Variants in PHYKPL observed in about 807,000 individuals in gnomAD.
The protein encoded by PHYKPL is 5-phosphonooxy-L-lysine phospho-lyase.
PHYKPL carries 42 observed loss-of-function variants against 51.3 expected under a neutral mutation model. That is an observed-to-expected ratio of 0.82 (90% CI 0.64 to 1.06). The LOEUF (loss-of-function observed/expected upper bound fraction) is 1.06. PHYKPL is among the 50% of genes least tolerant of loss of function. PHYKPL has a pLI of 0.00. For synonymous variants in PHYKPL, 264 were observed against 236.0 expected (o/e 1.12, Z -1.09); for missense variants, 655 against 586.6 (o/e 1.12, Z -1.20).
At chr5:178,209,501 TC>T in intron 12 of PHYKPL, 1 of 1,475,966 alleles carries the variant, frequency 6.8e-7, no homozygotes, top group Non-Finnish European at 9.5e-7. Flanking sequence ...CATGGAGCCT[TC>T]CAAGCCTGTC....
chr5:178,225,727 A>G (rs1333632094), intron 3 of PHYKPL: 3 of 414,166 alleles, frequency 7.2e-6, no homozygotes, highest in Non-Finnish European at 1.4e-5. Flanking sequence ...TCACACTACA[A>G]CAATCAACAC....
At chr5:178,226,080 T>TTTC (rs951269744) in intron 3 of PHYKPL, 14 of 125,434 alleles carry the variant, frequency 1.1e-4, no homozygotes, top group Admixed American at 1.6e-4. Context: ...TGGAATTTCT[T>TTTC]TTTTTTTTTT....
At position 178,222,380 on chromosome 5, in the gene PHYKPL, G is replaced by A; in HGVS notation, c.902C>T (p.Ala301Val). The change falls in exon 8 of 13, where the codon GCC (alanine) becomes GTC (valine). Residue 301 changes from alanine (A) to valine (V), a missense_variant. Coordinates refer to ENST00000308158, the MANE Select transcript of PHYKPL (RefSeq NM_153373.4). The part of the protein sequence containing the change: ...ATQPVARAFE[A>V]TGVEYFNTFG... ...CGTGTTGAAGTACTCAACGCCGGTG[G>A]CTTCAAATGCCCTCGCCACAGGCTG... 6.2e-7 allele frequency: 1 copy of A among 1,613,546 alleles called. No homozygotes were observed. Among genetic ancestry groups the A allele is most frequent in the South Asian group, 1.1e-5 (1 of 91,062 alleles).
In PHYKPL at chr5:178,224,494, T is replaced by C. The variant is rs1007506794; in HGVS notation, c.572A>G (p.Asn191Ser). The C allele has an allele frequency of 2.5e-6, 4 of 1,611,450 alleles. No homozygotes were observed. Among genetic ancestry groups the C allele is most frequent in the African/African-American group, 1.3e-5 (1 of 74,912 alleles). The change falls in exon 6 of 13, where the codon AAC becomes AGC. Residue 191 changes from asparagine (N) to serine (S), a missense_variant. Transcript: ENST00000308158. ...ACTGCTGACCACACGTTTCACCTCG[T>C]TGGCATAGGCCATAGCTGGGTTGGG... ...DHPNPAMAYA[N>S]EVKRVVSSAQ... is the part of the protein sequence containing the mutation.
chr5:178,209,443 T>TGGA (rs1561668406), intron 12 of PHYKPL: 1 of 1,612,814 alleles, frequency 6.2e-7, no homozygotes, highest in Admixed American at 1.7e-5. Flanking sequence ...GTGGTGGAGG[T>TGGA]GGAGGTGAGT....
intron 8 of PHYKPL, among the ~76,000 whole-genome samples, chr5:178,221,438 G>A (rs1251607930): frequency 1.3e-5 from 2 of 152,014 alleles, no homozygotes; most frequent in African/African-American, 4.8e-5. Context: ...CATCCTCCAC[G>A]CTGTCATGAC....
At position 178,224,317 on chromosome 5, in the gene PHYKPL, CT is replaced by C. The variant is rs1034020204; in HGVS notation, c.618+130del. The C allele has an allele frequency of 1.8e-5, 19 of 1,030,188 alleles. No individual in the cohort carries two copies. In the African/African-American group the frequency reaches 2.0e-4, roughly 11 times the overall value. The allele number at this position is 1,030,188 out of a possible 1,614,324, so 63.8% of individuals were successfully genotyped here. A position where few individuals can be genotyped will look rare whatever the true frequency, so the allele number is the denominator to read the frequency against. ...ACTCTCTGCTGAGCCCAAACTGCCC[CT>C]ATCCCAGATTCCTGGAGGGCAGGGC... On this transcript the variant is annotated intron_variant, in intron 6 of 12. Transcript: ENST00000308158.
At chr5:178,224,282 G>A (rs1036229626) in intron 6 of PHYKPL, 166 bp downstream of exon 6, 16 of 740,220 alleles carry the variant, frequency 2.2e-5, no homozygotes, top group East Asian at 5.6e-5. Context: ...ATGCTAGGCC[G>A]TGCACTCAGA....
intron 8 of PHYKPL, among the ~76,000 whole-genome samples, chr5:178,217,767 A>G (rs1475325125): frequency 1.3e-5 from 2 of 151,110 alleles, no homozygotes; most frequent in Non-Finnish European, 2.9e-5. Flanking sequence ...CTGAGGCAGG[A>G]GAATGGCGTG....
At chr5:178,230,750 T>C (rs1368655932) in intron 2 of PHYKPL, 1 of 153,958 alleles carries the variant, frequency 6.5e-6, no homozygotes, top group East Asian at 1.9e-4. Flanking sequence ...GCAAGCTACA[T>C]AAATTAACAC....
At chr5:178,212,886 C>A in intron 11 of PHYKPL, 87 bp downstream of exon 11, 1 of 1,549,604 alleles carries the variant, frequency 6.5e-7, no homozygotes, top group South Asian at 1.2e-5. Flanking sequence ...GGACTCTTGT[C>A]CCCTCCCTGT....
intron 12 of PHYKPL, 134 bp downstream of exon 12, chr5:178,211,756 C>T: frequency 1.6e-6 from 1 of 632,474 alleles, no homozygotes; most frequent in Admixed American, 2.8e-5. Context: ...GTTGAAGAAA[C>T]TAACCTTTGG....
intron 3 of PHYKPL, chr5:178,228,591 T>C (rs1385807771): frequency 2.8e-6 from 2 of 702,600 alleles, no homozygotes; most frequent in South Asian, 3.0e-5. Flanking sequence ...TTACCCCACC[T>C]GTAAAATGAA....
chr5:178,209,400 A>G (rs752893394), intron 12 of PHYKPL: 23 of 1,614,022 alleles, frequency 1.4e-5, no homozygotes, highest in Non-Finnish European at 1.9e-5. Flanking sequence ...GGCCGTGGAA[A>G]CCGCAACCGA....
At chr5:178,232,166 G>T in intron 1 of PHYKPL, 2 of 1,221,626 alleles carry the variant, frequency 1.6e-6, no homozygotes, top group Non-Finnish European at 2.1e-6. Context: ...GCGCCAGGGT[G>T]AAGGTCTTCT....
chr5:178,229,490 C>A (rs573771168), intron 3 of PHYKPL, among the ~76,000 whole-genome samples: 3 of 152,298 alleles, frequency 2.0e-5, no homozygotes, highest in African/African-American at 7.2e-5. Flanking sequence ...GCTTAACAGC[C>A]CTTCCTCAGG....
At position 178,222,102 on chromosome 5, in the gene PHYKPL, A is replaced by G. The variant is rs41285579; in HGVS notation, c.927+253T>C. 2.0e-5 allele frequency among the ~76,000 whole-genome samples: 3 copies of G among 152,350 alleles called. No individual in the cohort carries two copies. In the South Asian group the frequency reaches 6.2e-4, roughly 32 times the overall value. ...GAATGGGTGGCATCTGCTGAAAGGA[A>G]GACAGGGACTCCTATTTTTGTATAT... On this transcript the variant is annotated intron_variant, in intron 8 of 12. Coordinates refer to ENST00000308158, the MANE Select transcript of PHYKPL (RefSeq NM_153373.4).
intron 12 of PHYKPL, chr5:178,210,669 G>C: frequency 7.0e-7 from 1 of 1,427,196 alleles, no homozygotes; most frequent in Non-Finnish European, 9.9e-7. Flanking sequence ...GCTTTGTTTG[G>C]ATATGGAGTG....
At chr5:178,228,536 G>T (rs1762733735) in intron 3 of PHYKPL, 1 of 702,028 alleles carries the variant, frequency 1.4e-6, no homozygotes. Context: ...TCCAGCTCTT[G>T]ACATGGCAAA....
Sources: allele counts gnomAD v4.1 joint callset (sites outside exome capture counted in the v4.1 genomes callset), GRCh38; gene constraint gnomAD v4.1.1; transcripts MANE v1.5; gene names NCBI Gene and HGNC (gene_info 2026-07-23, HGNC 2026-07-21).